TOR1AIP1: variants seen among roughly 807,000 people sequenced by gnomAD.
TOR1AIP1 encodes the protein torsin-1A-interacting protein 1.
A neutral mutation model predicts 63.3 loss-of-function variants in TOR1AIP1; 54 were observed. The observed-to-expected ratio is 0.85, with a 90% CI of 0.69 to 1.07. The LOEUF is 1.07. Among genes scored for constraint, TOR1AIP1 ranks in the 50% least tolerant of loss-of-function variants. TOR1AIP1 has a pLI of 0.00. For synonymous variants in TOR1AIP1, 294 were observed against 273.5 expected, an observed-to-expected ratio of 1.07 and a Z score of -0.74; for missense variants, 736 against 715.0, an observed-to-expected ratio of 1.03 and a Z score of -0.33.
intron 1 of TOR1AIP1, 88 bp from the exon 2 acceptor site, chr1:179,884,604 A>C: frequency 9.0e-7 from 1 of 1,109,048 alleles, no homozygotes; most frequent in East Asian, 2.6e-5. Flanking sequence ...ATTTTTGCTT[A>C]TGTATTGTTA....
At chr1:179,917,063 A>T (rs551151144) in intron 9 of TOR1AIP1, among the ~76,000 whole-genome samples, 1 of 152,194 alleles carries the variant, frequency 6.6e-6, no homozygotes, top group Non-Finnish European at 1.5e-5. Context: ...ATGCTGAGTT[A>T]CTAAATTAAA....
intron 3 of TOR1AIP1, among the ~76,000 whole-genome samples, chr1:179,892,764 AAAG>A (rs1571725327): frequency 6.6e-6 from 1 of 151,964 alleles, no homozygotes; most frequent in East Asian, 1.9e-4. Context: ...ACTTTTTAAA[AAAG>A]AGAACTTGGA....
intron 3 of TOR1AIP1, among the ~76,000 whole-genome samples, chr1:179,897,043 CT>C (rs984762587): frequency 1.4e-4 from 21 of 152,008 alleles, no homozygotes; most frequent in African/African-American, 5.1e-4. Context: ...CAAAATAGTA[CT>C]TTTTTTGTTT....
chr1:179,886,245 A>G (rs1647904805), intron 2 of TOR1AIP1, among the ~76,000 whole-genome samples: 1 of 152,226 alleles, frequency 6.6e-6, no homozygotes, highest in South Asian at 2.1e-4. Flanking sequence ...TATAAAAATT[A>G]TGGAGTTAAG....
intron 5 of TOR1AIP1, 102 bp from the exon 6 acceptor site, chr1:179,903,864 C>T (rs965206227): frequency 1.5e-5 from 12 of 775,660 alleles, no homozygotes; most frequent in East Asian, 6.0e-5. Context: ...GGGAGTTACC[C>T]GAATATTTTT....
At chr1:179,911,200 A>G (rs1299815772) in intron 8 of TOR1AIP1, among the ~76,000 whole-genome samples, 2 of 152,248 alleles carry the variant, frequency 1.3e-5, no homozygotes, top group African/African-American at 2.4e-5. Context: ...CAAGAAGAAA[A>G]TATTTTCAAT....
At chr1:179,907,911 C>CACTT in intron 7 of TOR1AIP1, 47 bp downstream of exon 7, 1 of 636,578 alleles carries the variant, frequency 1.6e-6, no homozygotes, top group Non-Finnish European at 2.3e-6. Context: ...CAATTCTTTT[C>CACTT]TCTTTTTTTT....
intron 2 of TOR1AIP1, among the ~76,000 whole-genome samples, chr1:179,887,093 A>C (rs916198584): frequency 6.6e-6 from 1 of 152,204 alleles, no homozygotes; most frequent in African/African-American, 2.4e-5. Flanking sequence ...AATTATGCAA[A>C]GATGCCCTTA....
intron 8 of TOR1AIP1, among the ~76,000 whole-genome samples, chr1:179,911,137 A>ATAGGATCT (rs1410283897): frequency 6.6e-6 from 1 of 152,226 alleles, no homozygotes; most frequent in Non-Finnish European, 1.5e-5. Flanking sequence ...TGTGCATGTA[A>ATAGGATCT]TAGGATCTTT....
chr1:179,915,943 C>G (rs937849236), intron 9 of TOR1AIP1, among the ~76,000 whole-genome samples: 28 of 152,148 alleles, frequency 1.8e-4, no homozygotes, highest in African/African-American at 6.5e-4. Context: ...TGTGCTAATT[C>G]GCCTTGTAAT....
chr1:179,901,077 G>T (rs1331111087), intron 4 of TOR1AIP1, among the ~76,000 whole-genome samples: 1 of 152,108 alleles, frequency 6.6e-6, no homozygotes, highest in Non-Finnish European at 1.5e-5. Flanking sequence ...CTGAATATTT[G>T]TTTAGGAAAG....
chr1:179,897,441 G>A (rs914814399), intron 3 of TOR1AIP1, among the ~76,000 whole-genome samples: 16 of 152,192 alleles, frequency 1.1e-4, no homozygotes, highest in Non-Finnish European at 8.8e-5. Flanking sequence ...AACTTCAAAT[G>A]TGTACAGAAA....
chr1:179,897,629 A>G (rs897200063), intron 3 of TOR1AIP1, among the ~76,000 whole-genome samples: 2 of 152,212 alleles, frequency 1.3e-5, no homozygotes, highest in Admixed American at 1.3e-4. Flanking sequence ...ATTCAGCCCT[A>G]GTTAAAGAGG....
At chr1:179,911,189 G>A (rs529897279) in intron 8 of TOR1AIP1, among the ~76,000 whole-genome samples, 1 of 152,288 alleles carries the variant, frequency 6.6e-6, no homozygotes, top group South Asian at 2.1e-4. Context: ...AGAACGATGA[G>A]CAAGAAGAAA....
At chr1:179,889,392 GT>G in intron 3 of TOR1AIP1, 23 bp downstream of exon 3, 1 of 1,577,358 alleles carries the variant, frequency 6.3e-7, no homozygotes, top group Non-Finnish European at 8.7e-7. Context: ...TTGTCTGTTG[GT>G]TTACCTTTGT....
At chr1:179,913,165 T>C (rs986814424) in intron 8 of TOR1AIP1, among the ~76,000 whole-genome samples, 10 of 151,720 alleles carry the variant, frequency 6.6e-5, no homozygotes, top group African/African-American at 2.4e-4. Context: ...GGTCTCACAA[T>C]GTTGCCCAGG....
intron 6 of TOR1AIP1, among the ~76,000 whole-genome samples, chr1:179,906,755 T>G (rs1353254867): frequency 7.6e-6 from 1 of 132,362 alleles, no homozygotes; most frequent in East Asian, 2.6e-4. Flanking sequence ...TTTTTTTTTT[T>G]GAGACAGAGT....
chr1:179,906,742 C>G lies in TOR1AIP1; in HGVS notation c.797-1081C>G, dbSNP rs1034674605. Among the ~76,000 whole-genome samples the G allele has an allele frequency of 5.2e-5, 7 of 134,872 alleles. No individual in the cohort carries two copies. The East Asian group carries it at 8.5e-4, about 16-fold the overall frequency. 88.5% of individuals were successfully genotyped at this position (134,872 alleles called of 152,430 possible). A position where few individuals can be genotyped will look rare whatever the true frequency, so the allele number is the denominator to read the frequency against. On this transcript the variant is annotated intron_variant, in intron 6 of 9. Transcript: ENST00000606911. The stretch of plus-strand genomic sequence containing the variant: ...ATTACCAATTTTGGTTCCCCCCCCC[C>G]CTTTTTTTTTTTTGAGACAGAGTCT...
intron 3 of TOR1AIP1, among the ~76,000 whole-genome samples, chr1:179,890,467 T>C (rs1648035657): frequency 6.6e-6 from 1 of 152,232 alleles, no homozygotes. Flanking sequence ...AAGGTTTTGT[T>C]AATGAACCTG....
Sources: allele counts gnomAD v4.1 joint callset (sites outside exome capture counted in the v4.1 genomes callset), GRCh38; gene constraint gnomAD v4.1.1; transcripts MANE v1.5; gene names NCBI Gene and HGNC (gene_info 2026-07-23, HGNC 2026-07-21).